The following CNTNAP2 variants were observed in gnomAD, a reference collection of about 807,000 sequenced individuals.
The protein encoded by CNTNAP2 is contactin associated protein 2.
Under a neutral mutation model 155.2 loss-of-function variants are expected in CNTNAP2, and 98 were observed. The observed-to-expected ratio is 0.63, with a 90% confidence interval of 0.54 to 0.75. The LOEUF (loss-of-function observed/expected upper bound fraction) is 0.75, where lower values mean the gene tolerates loss of function less well. Among genes scored for constraint, CNTNAP2 ranks in the 30% least tolerant of loss-of-function variants. CNTNAP2 has a pLI of 0.00. For synonymous variants in CNTNAP2, 651 were observed against 631.2 expected (o/e 1.03, Z -0.47); for missense variants, 1,727 against 1,688.1 (o/e 1.02, Z -0.40).
intron 13 of CNTNAP2, among the ~76,000 whole-genome samples, chr7:147,874,556 C>T (rs1158958365): frequency 2.6e-5 from 4 of 152,302 alleles, no homozygotes; most frequent in Admixed American, 2.0e-4. Context: ...GCCCTGGGCC[C>T]AGCCCATGAA....
At chr7:147,147,539 G>A (rs1245259284) in intron 8 of CNTNAP2, among the ~76,000 whole-genome samples, 1 of 152,164 alleles carries the variant, frequency 6.6e-6, no homozygotes, top group South Asian at 2.1e-4. Context: ...GCATGATAGA[G>A]CAAGGAGAGT....
intron 1 of CNTNAP2, among the ~76,000 whole-genome samples, chr7:146,772,325 T>C (rs1802306481): frequency 1.3e-5 from 2 of 151,710 alleles, no homozygotes; most frequent in African/African-American, 4.8e-5. Context: ...CTTGGAGTAG[T>C]AGTTGCAAAG....
chr7:146,278,607 A>G (rs1404158942), intron 1 of CNTNAP2, among the ~76,000 whole-genome samples: 3 of 152,204 alleles, frequency 2.0e-5, no homozygotes, highest in East Asian at 3.8e-4. Flanking sequence ...CTTAGTATAA[A>G]AAGGTAACTA....
rs116702051 is a variant in CNTNAP2, at chr7:148,334,364, C to T, written c.3476-49285C>T. Among the ~76,000 whole-genome samples the T allele has an allele frequency of 3.0e-3, 456 of 152,276 alleles. 4 individuals are homozygous for T. Among genetic ancestry groups the T allele is most frequent in the African/African-American group, 0.01 (427 of 41,544 alleles). On this transcript the variant is annotated intron_variant, in intron 21 of 23. Coordinates refer to ENST00000361727, the MANE Select transcript of CNTNAP2 (RefSeq NM_014141.6). ...ATGGGTTTTAGGTGCAGCCTGGTGACAGTCAATCGGGTGGCCTACCATGTA... is the reference window on the plus strand; with the variant it reads ...ATGGGTTTTAGGTGCAGCCTGGTGATAGTCAATCGGGTGGCCTACCATGTA...
At chr7:146,274,333 C>T (rs1800130383) in intron 1 of CNTNAP2, among the ~76,000 whole-genome samples, 1 of 152,126 alleles carries the variant, frequency 6.6e-6, no homozygotes, top group Non-Finnish European at 1.5e-5. Flanking sequence ...TCATGGAGCC[C>T]AGTGACTCGG....
chr7:147,684,574 C>T (rs958719905), intron 13 of CNTNAP2, among the ~76,000 whole-genome samples: 9 of 151,810 alleles, frequency 5.9e-5, no homozygotes, highest in African/African-American at 2.2e-4. Flanking sequence ...CTATTTATTA[C>T]TTTAGCAAGT....
chr7:148,119,803 G>C (rs1239941905), intron 16 of CNTNAP2, among the ~76,000 whole-genome samples: 1 of 151,918 alleles, frequency 6.6e-6, no homozygotes, highest in African/African-American at 2.4e-5. Context: ...CATTTATTTT[G>C]GTATCTAGTA....
chr7:147,552,467 T>G lies in CNTNAP2; in HGVS notation c.1778-9671T>G, dbSNP rs17170595. On this transcript the variant is annotated intron_variant, in intron 11 of 23. Coordinates refer to ENST00000361727, the MANE Select transcript of CNTNAP2 (RefSeq NM_014141.6). Reference sequence around the variant, plus strand: ...AAATGACTAAAGTTTGCATTTAGAATTAACACTTTTTAATTTAAAAATCTG... The same window carrying G: ...AAATGACTAAAGTTTGCATTTAGAAGTAACACTTTTTAATTTAAAAATCTG... Among the ~76,000 whole-genome samples the G allele has an allele frequency of 2.8e-3, 422 of 152,184 alleles. 18 individuals carry two copies. The East Asian group carries it at 0.057, about 21-fold the overall frequency.
chr7:147,764,121 C>A (rs142824238), intron 13 of CNTNAP2, among the ~76,000 whole-genome samples: 1 of 152,104 alleles, frequency 6.6e-6, no homozygotes, highest in Non-Finnish European at 1.5e-5. Flanking sequence ...TGTATTCCAA[C>A]CCTGTTTGCT....
chr7:146,717,580 G>C lies in CNTNAP2; in HGVS notation c.98-56691G>C, dbSNP rs138801607. ...CAAATAAGCTGCTTAATTTTACAAA[G>C]GCATTCCATTCCTGTTTTGGCACTG... On this transcript the variant is annotated intron_variant, in intron 1 of 23. Coordinates refer to ENST00000361727, the MANE Select transcript of CNTNAP2 (RefSeq NM_014141.6). Among the ~76,000 whole-genome samples the C allele has an allele frequency of 1.3e-4, 20 of 152,040 alleles. No homozygotes were observed. The East Asian group carries it at 3.9e-3, about 30-fold the overall frequency.
intron 12 of CNTNAP2, among the ~76,000 whole-genome samples, chr7:147,577,520 C>T (rs1800417604): frequency 6.6e-6 from 1 of 151,826 alleles, no homozygotes; most frequent in Non-Finnish European, 1.5e-5. Flanking sequence ...CCCCATTCTA[C>T]TTGTGTATAC....
chr7:147,928,595 T>A (rs990492006), intron 14 of CNTNAP2, among the ~76,000 whole-genome samples: 17 of 151,880 alleles, frequency 1.1e-4, no homozygotes, highest in Non-Finnish European at 1.5e-5. Flanking sequence ...TAGGCTAGAG[T>A]CAGTGCAAAG....
At chr7:146,706,603 T>A (rs906626185) in intron 1 of CNTNAP2, among the ~76,000 whole-genome samples, 1 of 152,082 alleles carries the variant, frequency 6.6e-6, no homozygotes, top group African/African-American at 2.4e-5. Flanking sequence ...AGGATGAGAT[T>A]ATATCCTTTG....
chr7:147,219,746 C>G (rs184742539), intron 8 of CNTNAP2, among the ~76,000 whole-genome samples: 3 of 152,114 alleles, frequency 2.0e-5, no homozygotes, highest in African/African-American at 7.2e-5. Flanking sequence ...TGGCATTAAT[C>G]CACTCATGAG....
chr7:147,980,826 G>A (rs1158168189), intron 15 of CNTNAP2, among the ~76,000 whole-genome samples: 2 of 151,358 alleles, frequency 1.3e-5, no homozygotes, highest in African/African-American at 2.4e-5. Flanking sequence ...AGCTACTCGG[G>A]AGGCTGAGGC....
At chr7:146,968,691 T>G (rs2129232591) in intron 3 of CNTNAP2, among the ~76,000 whole-genome samples, 1 of 152,118 alleles carries the variant, frequency 6.6e-6, no homozygotes, top group East Asian at 1.9e-4. Flanking sequence ...TCTATTTAAT[T>G]CTTCTCTCTT....
intron 8 of CNTNAP2, among the ~76,000 whole-genome samples, chr7:147,261,900 A>C (rs566072194): frequency 6.6e-6 from 1 of 152,222 alleles, no homozygotes; most frequent in Non-Finnish European, 1.5e-5. Context: ...TTGCTGACAA[A>C]GCAGAAGATA....
chr7:146,881,684 A>C (rs1795553495), intron 3 of CNTNAP2, among the ~76,000 whole-genome samples: 1 of 152,092 alleles, frequency 6.6e-6, no homozygotes, highest in East Asian at 1.9e-4. Context: ...AAAATAGCAA[A>C]AAATATATAC....
At chr7:147,285,559 T>C (rs1423541756) in intron 8 of CNTNAP2, among the ~76,000 whole-genome samples, 3 of 152,038 alleles carry the variant, frequency 2.0e-5, no homozygotes, top group African/African-American at 7.2e-5. Flanking sequence ...TAAATTGTCA[T>C]TATTTTCATT....
Sources: gnomAD v4.1 joint callset for allele counts (sites outside exome capture counted in the v4.1 genomes callset) on GRCh38, gnomAD v4.1.1 for gene constraint, MANE v1.5 for transcripts, NCBI Gene and HGNC (gene_info 2026-07-23, HGNC 2026-07-21) for gene names.